Variants in ASAP1 observed in about 807,000 individuals in gnomAD.
ASAP1 encodes ArfGAP with SH3 domain, ankyrin repeat and PH domain 1, also known as arf-GAP with SH3 domain, ANK repeat and PH domain-containing protein 1.
ASAP1 carries 43 observed loss-of-function variants against 145.2 expected under a neutral mutation model. That is an observed-to-expected ratio of 0.30 (90% confidence interval 0.23 to 0.38). ASAP1 has a LOEUF of 0.38. ASAP1 is among the 10% of genes least tolerant of loss of function. The pLI is 1.00. For missense variants in ASAP1, 1,018 were observed against 1,355.3 expected, an observed-to-expected ratio of 0.75 and a Z score of 3.91; for synonymous variants, 546 against 515.5, an observed-to-expected ratio of 1.06 and a Z score of -0.80.
At chr8:130,233,914 C>T (rs1036099749) in intron 4 of ASAP1, among the ~76,000 whole-genome samples, 1 of 152,134 alleles carries the variant, frequency 6.6e-6, no homozygotes, top group African/African-American at 2.4e-5. Context: ...TATCAAAAAA[C>T]TCATAGGCCA....
rs1592752955 is a variant in ASAP1, at chr8:130,079,889, T to A, written c.2642+13A>T. 6.2e-7 allele frequency: 1 copy of A among 1,612,776 alleles called. No individual in the cohort carries two copies. The highest frequency in any genetic ancestry group is 1.1e-5 in the South Asian group (1 of 91,038). Reference sequence around the variant, plus strand: ...GGATCCAACAGGGGAAATGAAGCGCTGAGATGGCTTACCTCGACTGCTGGG... The same window carrying A: ...GGATCCAACAGGGGAAATGAAGCGCAGAGATGGCTTACCTCGACTGCTGGG... On this transcript the variant is annotated intron_variant, in intron 26 of 29. Transcript: ENST00000518721.
rs547684448 is a variant in ASAP1 at position 130,124,190 on chromosome 8, T to C, written c.1516-86A>G. 4.2e-6 allele frequency: 4 copies of C among 958,854 alleles called. No homozygotes were observed. In the African/African-American group the frequency reaches 6.7e-5, roughly 16 times the overall value. The allele number at this position is 958,854 out of a possible 1,614,324, so 59.4% of individuals were successfully genotyped here. Reference sequence around the variant, plus strand: ...TCCTATTATTTGTTTTTGAGATTTATGAATATGTATTTTCCCTCATTTGAC... The same window carrying C: ...TCCTATTATTTGTTTTTGAGATTTACGAATATGTATTTTCCCTCATTTGAC... On this transcript the variant is annotated intron_variant, in intron 17 of 29. Coordinates refer to ENST00000518721, the MANE Select transcript of ASAP1 (RefSeq NM_018482.4).
chr8:130,113,201 T>C (rs892133217), intron 23 of ASAP1, among the ~76,000 whole-genome samples: 1 of 152,196 alleles, frequency 6.6e-6, no homozygotes, highest in African/African-American at 2.4e-5. Flanking sequence ...CTGATCTGGT[T>C]TGCCTGACTC....
At chr8:130,075,528 C>T (rs2097460327) in intron 27 of ASAP1, among the ~76,000 whole-genome samples, 1 of 152,218 alleles carries the variant, frequency 6.6e-6, no homozygotes, top group Non-Finnish European at 1.5e-5. Flanking sequence ...GCCCTGAGCT[C>T]CTCGGAGCTT....
At chr8:130,365,080 GTATCACCTACATC>G (rs1826890631) in intron 2 of ASAP1, among the ~76,000 whole-genome samples, 1 of 152,162 alleles carries the variant, frequency 6.6e-6, no homozygotes, top group South Asian at 2.1e-4. Flanking sequence ...ACCCATGTCT[GTATCACCTACATC>G]CCCCAGCAAC....
intron 24 of ASAP1, among the ~76,000 whole-genome samples, chr8:130,108,626 C>T (rs7826083): frequency 0.41 from 62,735 of 151,868 alleles, 13,803 homozygotes; most frequent in East Asian, 0.69. Flanking sequence ...TGGTGAAACC[C>T]TGTCCCTACT....
intron 3 of ASAP1, among the ~76,000 whole-genome samples, chr8:130,284,842 T>TACACACACACACACACACAC (rs34799517): frequency 1.3e-4 from 18 of 141,630 alleles, no homozygotes; most frequent in African/African-American, 2.9e-4. Context: ...TTTTACACTC[T>TACACACACACACACACACAC]ACACACACAC....
intron 1 of ASAP1, among the ~76,000 whole-genome samples, chr8:130,416,898 T>C (rs559150231): frequency 7.0e-4 from 107 of 152,362 alleles, no homozygotes; most frequent in Non-Finnish European, 1.1e-3. Context: ...TTCTCTCTTC[T>C]GTTATAAACA....
intron 5 of ASAP1, among the ~76,000 whole-genome samples, chr8:130,210,632 T>C (rs1320899593): frequency 6.6e-6 from 1 of 152,242 alleles, no homozygotes; most frequent in African/African-American, 2.4e-5. Context: ...GCCCTGGTCA[T>C]TGTGTCAGGT....
intron 24 of ASAP1, among the ~76,000 whole-genome samples, chr8:130,100,228 C>T (rs1167548675): frequency 1.3e-5 from 2 of 152,112 alleles, no homozygotes; most frequent in Non-Finnish European, 2.9e-5. Flanking sequence ...TAGATAATAT[C>T]TCATTGTGGT....
At position 130,266,102 on chromosome 8, in the gene ASAP1, C is replaced by T. The variant is rs1193888380; in HGVS notation, c.187-29108G>A. 3.3e-5 allele frequency among the ~76,000 whole-genome samples: 5 copies of T among 152,090 alleles called. No homozygotes were observed. The South Asian group carries it at 1.0e-3, about 32-fold the overall frequency. ...GGTGCGGGGTTGAAACTTAGATTCC[C>T]TCCCAAAGTTGGACCTCTTGAGGGA... On this transcript the variant is annotated intron_variant, in intron 3 of 29. Coordinates refer to ENST00000518721, the MANE Select transcript of ASAP1 (RefSeq NM_018482.4).
intron 24 of ASAP1, among the ~76,000 whole-genome samples, chr8:130,094,485 G>A (rs565125112): frequency 6.6e-6 from 1 of 151,992 alleles, no homozygotes; most frequent in Admixed American, 6.6e-5. Context: ...TAGAATTATA[G>A]GCGTGAGTCA....
In ASAP1 at chr8:130,409,214, A is replaced by T. The variant is rs1208376768; in HGVS notation, c.-27-7244T>A. Among the ~76,000 whole-genome samples the T allele has an allele frequency of 2.0e-5, 3 of 151,868 alleles. No homozygotes were observed. The East Asian group carries it at 5.8e-4, about 29-fold the overall frequency. On this transcript the variant is annotated intron_variant, in intron 1 of 29. Transcript: ENST00000518721. ...TAGGCAGAGGTTGTAGTGAGCCGAG[A>T]TTGCGCCACTGCACTCCAGCCTGGG...
At chr8:130,382,606 G>A (rs972314955) in intron 2 of ASAP1, among the ~76,000 whole-genome samples, 7 of 152,166 alleles carry the variant, frequency 4.6e-5, no homozygotes, top group African/African-American at 1.7e-4. Flanking sequence ...CAGCACTTTG[G>A]GAAACTGAGG....
At chr8:130,197,988 C>T (rs940307434) in intron 5 of ASAP1, among the ~76,000 whole-genome samples, 1 of 152,100 alleles carries the variant, frequency 6.6e-6, no homozygotes, top group Non-Finnish European at 1.5e-5. Context: ...TATGTAAGCC[C>T]CTAATACACC....
intron 3 of ASAP1, among the ~76,000 whole-genome samples, chr8:130,288,509 A>G (rs1821757079): frequency 1.3e-5 from 2 of 152,202 alleles, no homozygotes; most frequent in Non-Finnish European, 2.9e-5. Context: ...CAGCTCTTAC[A>G]CATTAACTCT....
intron 13 of ASAP1, among the ~76,000 whole-genome samples, chr8:130,138,862 G>A (rs2097602187): frequency 6.8e-6 from 1 of 147,554 alleles, no homozygotes; most frequent in African/African-American, 2.5e-5. Context: ...AAAGAAAACA[G>A]CTGAAGTGTT....
rs555665186 is a variant in ASAP1 at position 130,074,094 on chromosome 8, T to C, written c.2701+2254A>G. The stretch of plus-strand genomic sequence containing the variant: ...TACTGTGTGGACTTTATTTTAATCC[T>C]TATTCAAACAAACAAGTTCTTAAAA... On this transcript the variant is annotated intron_variant, in intron 27 of 29. Transcript: ENST00000518721. 1.4e-4 allele frequency among the ~76,000 whole-genome samples: 22 copies of C among 152,046 alleles called. 1 individual carries two copies. The highest frequency in any genetic ancestry group is 5.3e-4 in the African/African-American group (22 of 41,356).
intron 17 of ASAP1, among the ~76,000 whole-genome samples, chr8:130,124,985 T>C (rs1457720460): frequency 1.3e-5 from 2 of 152,186 alleles, no homozygotes; most frequent in African/African-American, 2.4e-5. Context: ...ATGTCTTGTA[T>C]TGTGCATAGA....
Sources: allele counts gnomAD v4.1 joint callset (sites outside exome capture counted in the v4.1 genomes callset), GRCh38; gene constraint gnomAD v4.1.1; transcripts MANE v1.5; gene names NCBI Gene and HGNC (gene_info 2026-07-23, HGNC 2026-07-21).